Variants in MTMR2 observed in about 807,000 individuals in gnomAD.
MTMR2 encodes myotubularin related protein 2, also known as phosphatidylinositol-3,5-bisphosphate 3-phosphatase MTMR2.
MTMR2 carries 55 observed loss-of-function variants against 86.9 expected under a neutral mutation model. The ratio of observed to expected loss-of-function variants is 0.63; its 90% CI spans 0.51 to 0.79. The LOEUF is 0.79. MTMR2 is among the 30% of genes least tolerant of loss of function. MTMR2 has a pLI of 0.00. For synonymous variants in MTMR2, 241 were observed against 266.8 expected (o/e 0.90, Z 0.94); for missense variants, 659 against 772.3 (o/e 0.85, Z 1.74).
intron 1 of MTMR2, among the ~76,000 whole-genome samples, chr11:95,889,133 C>CT (rs374185094): frequency 0.31 from 45,061 of 143,398 alleles, 7,898 homozygotes; most frequent in Non-Finnish European, 0.41. Flanking sequence ...TCCTATAGAA[C>CT]TTTTTTTTTT....
intron 2 of MTMR2, among the ~76,000 whole-genome samples, chr11:95,882,123 C>T (rs952263217): frequency 6.6e-6 from 1 of 152,290 alleles, no homozygotes; most frequent in Middle Eastern, 3.4e-3. Context: ...CTAACATAAG[C>T]TCTATGAGAC....
chr11:95,901,476 C>A (rs1308287780), intron 1 of MTMR2, among the ~76,000 whole-genome samples: 2 of 152,172 alleles, frequency 1.3e-5, no homozygotes, highest in African/African-American at 2.4e-5. Context: ...TAAGGGATTT[C>A]TGAGATCATT....
chr11:95,841,824 T>TGTG lies in MTMR2; in HGVS notation c.1387-118_1387-116dup, dbSNP rs1863561267. 2.5e-5 allele frequency: 20 copies of TGTG among 810,360 alleles called. No homozygotes were observed. In the South Asian group the frequency reaches 2.8e-4, roughly 11 times the overall value. 50.2% of individuals were successfully genotyped at this position (810,360 alleles called of 1,614,324 possible). ...TCTAAAAATTTTCAAAGTCGGGTGC[T>TGTG]GTGGTTTACACCTGTAATCCCAACA... On this transcript the variant is annotated intron_variant, in intron 11 of 14. Transcript: ENST00000346299.
intron 11 of MTMR2, among the ~76,000 whole-genome samples, chr11:95,842,238 CTG>C (rs1863579194): frequency 6.6e-6 from 1 of 152,198 alleles, no homozygotes; most frequent in Admixed American, 6.6e-5. Flanking sequence ...AATTACTACT[CTG>C]TTTAATAAAC....
rs973315283 is a variant in MTMR2 at position 95,836,460 on chromosome 11, C to G, written c.1594-136G>C. The stretch of plus-strand genomic sequence containing the variant: ...GGACTTGGAGACTTCAGTGATAAAC[C>G]AACTTATATTAAGATCAGAGGGTAC... On this transcript the variant is annotated intron_variant, in intron 13 of 14. Transcript: ENST00000346299. 7.7e-6 allele frequency: 6 copies of G among 775,788 alleles called. No individual in the cohort carries two copies. In the African/African-American group the frequency reaches 8.6e-5, roughly 11 times the overall value. 48.1% of individuals were successfully genotyped at this position (775,788 alleles called of 1,614,324 possible). A position where few individuals can be genotyped will look rare whatever the true frequency, so the allele number is the denominator to read the frequency against.
Position 95,881,013 on chromosome 11 carries a change from G to A in MTMR2, c.186+7143C>T, listed in dbSNP as rs113709816. Among the ~76,000 whole-genome samples, 69 of 151,790 alleles carry A rather than the reference G, an allele frequency of 4.5e-4. 1 individual carries two copies. The highest frequency in any genetic ancestry group is 1.2e-3 in the South Asian group (6 of 4,810). On this transcript the variant is annotated intron_variant, in intron 2 of 14. Transcript: ENST00000346299. ...TATTTTAAATATTCTTCCTGATATC[G>A]TAAGTCATAATGATATTGTCATATA...
At chr11:95,842,358 C>T (rs964730164) in intron 11 of MTMR2, among the ~76,000 whole-genome samples, 2 of 152,180 alleles carry the variant, frequency 1.3e-5, no homozygotes, top group African/African-American at 4.8e-5. Flanking sequence ...GTTACATGGA[C>T]ACTGGCCTCA....
At chr11:95,856,749 A>G (rs1318756925) in intron 7 of MTMR2, among the ~76,000 whole-genome samples, 1 of 151,896 alleles carries the variant, frequency 6.6e-6, no homozygotes, top group African/African-American at 2.4e-5. Context: ...CCTGCTTTCC[A>G]AAGTTCTACA....
At position 95,857,636 on chromosome 11, in the gene MTMR2, C is replaced by T. The variant is rs1370630071; in HGVS notation, c.571-1G>A. 1 of 1,605,712 alleles carries T rather than the reference C, an allele frequency of 6.2e-7. No individual in the cohort carries two copies. Among genetic ancestry groups the T allele is most frequent in the Admixed American group, 1.7e-5 (1 of 59,904 alleles). On this transcript the variant is annotated splice_acceptor_variant, in intron 6 of 14. Coordinates refer to ENST00000346299, the MANE Select transcript of MTMR2 (RefSeq NM_016156.6). LOFTEE classifies it high-confidence loss of function. Reference sequence around the variant, plus strand: ...CTTTGTATTCAAAAGCAAAAAGAGGCTACAAAAAAGTAAACAATGGTAAGA... The same window carrying T: ...CTTTGTATTCAAAAGCAAAAAGAGGTTACAAAAAAGTAAACAATGGTAAGA...
At chr11:95,923,741 C>G in intron 1 of MTMR2, 134 bp downstream of exon 1, 2 of 1,473,054 alleles carry the variant, frequency 1.4e-6, no homozygotes, top group Admixed American at 4.7e-5. Context: ...GAAGTGGTTC[C>G]CAAGTCCCGG....
At chr11:95,891,786 A>T (rs890209878) in intron 1 of MTMR2, among the ~76,000 whole-genome samples, 1 of 152,142 alleles carries the variant, frequency 6.6e-6, no homozygotes, top group African/African-American at 2.4e-5. Flanking sequence ...AATACATCAT[A>T]GTACTGTTCT....
intron 7 of MTMR2, among the ~76,000 whole-genome samples, chr11:95,856,847 T>C (rs539015380): frequency 5.7e-4 from 87 of 152,310 alleles, no homozygotes; most frequent in African/African-American, 2.0e-3. Flanking sequence ...TGCTAGACTT[T>C]TTGGTTGCTT....
At chr11:95,852,610 G>C (rs561386384) in intron 7 of MTMR2, among the ~76,000 whole-genome samples, 1 of 152,002 alleles carries the variant, frequency 6.6e-6, no homozygotes, top group Non-Finnish European at 1.5e-5. Context: ...TCCTGATTTC[G>C]TTGACTTCAG....
At chr11:95,875,309 T>C (rs1865064703) in intron 2 of MTMR2, among the ~76,000 whole-genome samples, 1 of 152,100 alleles carries the variant, frequency 6.6e-6, no homozygotes, top group Admixed American at 6.5e-5. Flanking sequence ...TCATTCTTTT[T>C]TCTCTAAACT....
At chr11:95,900,669 A>C (rs1209096095) in intron 1 of MTMR2, among the ~76,000 whole-genome samples, 1 of 152,038 alleles carries the variant, frequency 6.6e-6, no homozygotes, top group Admixed American at 6.6e-5. Flanking sequence ...CCTCTCATGC[A>C]CATCATTCTG....
intron 5 of MTMR2, among the ~76,000 whole-genome samples, chr11:95,860,883 C>A (rs552091956): frequency 1.3e-5 from 2 of 152,232 alleles, no homozygotes; most frequent in African/African-American, 4.8e-5. Flanking sequence ...ACTGGCCGGG[C>A]ACGGTGGCTC....
chr11:95,870,912 G>C (rs1864853053), intron 2 of MTMR2, among the ~76,000 whole-genome samples: 1 of 151,606 alleles, frequency 6.6e-6, no homozygotes, highest in Admixed American at 6.6e-5. Flanking sequence ...ACAGGCCCTG[G>C]TGTGTGATGC....
At chr11:95,875,826 C>T (rs1040608223) in intron 2 of MTMR2, among the ~76,000 whole-genome samples, 2 of 152,204 alleles carry the variant, frequency 1.3e-5, no homozygotes, top group Non-Finnish European at 2.9e-5. Context: ...ACAGTCAGGA[C>T]CCTCAGCTGC....
chr11:95,878,272 T>G (rs761057833), intron 2 of MTMR2, among the ~76,000 whole-genome samples: 1 of 149,860 alleles, frequency 6.7e-6, no homozygotes, highest in Non-Finnish European at 1.5e-5. Flanking sequence ...GATTAGTGAT[T>G]GCCTGGTGTT....
Sources: gnomAD v4.1 joint callset for allele counts (sites outside exome capture counted in the v4.1 genomes callset) on GRCh38, gnomAD v4.1.1 for gene constraint, MANE v1.5 for transcripts, NCBI Gene and HGNC (gene_info 2026-07-23, HGNC 2026-07-21) for gene names.